Variants in NRG3 observed in about 807,000 individuals in gnomAD.
The protein encoded by NRG3 is neuregulin 3, also known as pro-neuregulin-3, membrane-bound isoform.
In NRG3, 31 loss-of-function variants were observed where a neutral mutation model predicts 66.9. That is an observed-to-expected ratio of 0.46 (90% CI 0.35 to 0.63). The LOEUF is 0.63. Ranked by LOEUF, NRG3 falls within the 20% of genes least tolerant of loss-of-function variation. The pLI is 0.00. For missense variants in NRG3, 910 were observed against 878.9 expected (o/e 1.04, Z -0.45); for synonymous variants, 393 against 359.4 (o/e 1.09, Z -1.06).
chr10:82,849,881 T>C (rs143229565), intron 3 of NRG3, among the ~76,000 whole-genome samples: 2 of 152,208 alleles, frequency 1.3e-5, no homozygotes, highest in African/African-American at 2.4e-5. Context: ...AGAGATGCCA[T>C]GGGAGGGATG....
At position 81,875,380 on chromosome 10, in the gene NRG3, G is replaced by C; in HGVS notation, c.40G>C (p.Ala14Pro). Reference sequence around the variant, plus strand: ...GGCCGCTGCCTCGCCACCTGGTGCCGCTTCGGCAGCCGCCGCCTCGGCCGA... The same window carrying C: ...GGCCGCTGCCTCGCCACCTGGTGCCCCTTCGGCAGCCGCCGCCTCGGCCGA... ...GAAAASPPGA[A>P]SAAAASAEEG... The change falls in exon 1 of 9, where the codon GCT becomes CCT. Residue 14 changes from alanine (A) to proline (P), a missense_variant. Transcript: ENST00000372141. The surrounding 1 kb of genome is among the most constrained non-coding windows in gnomAD (Gnocchi z 5.3). 2.0e-6 allele frequency: 2 copies of C among 994,122 alleles called. No homozygotes were observed. Among genetic ancestry groups the C allele is most frequent in the Non-Finnish European group, 2.4e-6 (2 of 837,460 alleles). The allele number at this position is 994,122 out of a possible 1,614,324, so 61.6% of individuals were successfully genotyped here.
intron 2 of NRG3, among the ~76,000 whole-genome samples, chr10:82,589,355 T>G (rs1177610208): frequency 6.6e-6 from 1 of 152,052 alleles, no homozygotes; most frequent in East Asian, 1.9e-4. Context: ...TAATTGAAGG[T>G]GTATCACTCA....
chr10:81,985,097 T>C (rs1005999402), intron 1 of NRG3, among the ~76,000 whole-genome samples: 2 of 152,230 alleles, frequency 1.3e-5, no homozygotes, highest in Non-Finnish European at 2.9e-5. Flanking sequence ...ACATCCATTG[T>C]GTGCTTTCCA....
chr10:81,875,943 C>A lies in NRG3; in HGVS notation c.603C>A (p.Phe201Leu). The A allele has an allele frequency of 3.7e-6, 6 of 1,613,864 alleles. No individual in the cohort carries two copies. Among genetic ancestry groups the A allele is most frequent in the Non-Finnish European group, 5.1e-6 (6 of 1,180,024 alleles). The change falls in exon 1 of 9, where the codon TTC (phenylalanine) becomes TTA (leucine). Residue 201 changes from phenylalanine to leucine, a missense_variant. Physicochemically the swap from Phe to Leu is conservative, Grantham distance 22. Coordinates refer to ENST00000372141, the MANE Select transcript of NRG3 (RefSeq NM_001010848.4). This position sits in a 1 kb window ranked among gnomAD's most constrained non-coding sequence, Gnocchi z 5.3. ...ATVPSTTAPF[F>L]SSSTLGSRPP... The stretch of plus-strand genomic sequence containing the variant: ...TCCCGTCCACCACGGCCCCGTTCTT[C>A]AGTAGCAGCACGCTGGGCTCCCGAC...
At position 81,897,258 on chromosome 10, in the gene NRG3, G is replaced by C. The variant is rs556616831; in HGVS notation, c.823+21095G>C. 2.6e-5 allele frequency among the ~76,000 whole-genome samples: 4 copies of C among 152,164 alleles called. No homozygotes were observed. In the East Asian group the frequency reaches 7.8e-4, roughly 30 times the overall value. ...TCAGGCACATAAGGAACTTGGACTTGATTTTGTTGTAATGGAAAACCACAG... is the reference window on the plus strand; with the variant it reads ...TCAGGCACATAAGGAACTTGGACTTCATTTTGTTGTAATGGAAAACCACAG... On this transcript the variant is annotated intron_variant, in intron 1 of 8. Coordinates refer to ENST00000372141, the MANE Select transcript of NRG3 (RefSeq NM_001010848.4).
chr10:82,424,370 G>A (rs1193555363), intron 2 of NRG3, among the ~76,000 whole-genome samples: 1 of 152,006 alleles, frequency 6.6e-6, no homozygotes, highest in East Asian at 1.9e-4. Flanking sequence ...GCACCTCATT[G>A]AGGTTTTGAT....
intron 2 of NRG3, among the ~76,000 whole-genome samples, chr10:82,684,426 T>C (rs773409225): frequency 6.6e-6 from 1 of 152,202 alleles, no homozygotes; most frequent in Non-Finnish European, 1.5e-5. Flanking sequence ...GTTGATGCTT[T>C]GGGGGATATA....
chr10:82,317,203 A>AT (rs557938157), intron 1 of NRG3, among the ~76,000 whole-genome samples: 14,142 of 142,522 alleles, frequency 0.099, 1,266 homozygotes, highest in African/African-American at 0.25. Flanking sequence ...GGTAGAATAG[A>AT]TTTTTTTTTT....
At chr10:82,632,047 G>C (rs1195480026) in intron 2 of NRG3, among the ~76,000 whole-genome samples, 3 of 151,904 alleles carry the variant, frequency 2.0e-5, no homozygotes, top group African/African-American at 4.8e-5. Context: ...GGTTGCACTG[G>C]GCCGAGATCA....
At chr10:82,438,586 T>C (rs1428318047) in intron 2 of NRG3, among the ~76,000 whole-genome samples, 5 of 152,104 alleles carry the variant, frequency 3.3e-5, no homozygotes, top group Admixed American at 2.6e-4. Context: ...AGGAAGTCAT[T>C]AGGATTAAGC....
At chr10:82,562,715 C>T (rs1253977533) in intron 2 of NRG3, among the ~76,000 whole-genome samples, 1 of 151,818 alleles carries the variant, frequency 6.6e-6, no homozygotes, top group Non-Finnish European at 1.5e-5. Flanking sequence ...GGGTGGCTCT[C>T]CTGAGCAGCA....
At chr10:82,033,332 G>A (rs1195920068) in intron 1 of NRG3, among the ~76,000 whole-genome samples, 1 of 152,054 alleles carries the variant, frequency 6.6e-6, no homozygotes, top group African/African-American at 2.4e-5. Context: ...TTCCCCTACA[G>A]TACATTGTTC....
chr10:82,510,053 T>A (rs1845032893), intron 2 of NRG3, among the ~76,000 whole-genome samples: 1 of 152,180 alleles, frequency 6.6e-6, no homozygotes, highest in South Asian at 2.1e-4. Context: ...ATCTAGTGGA[T>A]TCTAACTCAT....
chr10:82,463,892 G>A (rs1013598558), intron 2 of NRG3, among the ~76,000 whole-genome samples: 1 of 152,240 alleles, frequency 6.6e-6, no homozygotes, highest in African/African-American at 2.4e-5. Flanking sequence ...AGGTGACACT[G>A]AGAGTGGCAG....
intron 1 of NRG3, among the ~76,000 whole-genome samples, chr10:82,063,201 G>A (rs373254722): frequency 5.9e-5 from 9 of 152,046 alleles, no homozygotes; most frequent in East Asian, 5.8e-4. Context: ...AGTATTCATG[G>A]CTGTTTTCTC....
intron 1 of NRG3, among the ~76,000 whole-genome samples, chr10:82,311,616 G>A (rs1427717580): frequency 6.6e-6 from 1 of 152,206 alleles, no homozygotes; most frequent in Non-Finnish European, 1.5e-5. Context: ...GGTAGGATCA[G>A]GAAAGCAGAT....
At chr10:82,652,083 G>A (rs2051460183) in intron 2 of NRG3, among the ~76,000 whole-genome samples, 1 of 152,194 alleles carries the variant, frequency 6.6e-6, no homozygotes, top group African/African-American at 2.4e-5. Flanking sequence ...ACTTGGACCT[G>A]CTGTGATCTG....
chr10:82,291,419 G>A (rs1335510905), intron 1 of NRG3, among the ~76,000 whole-genome samples: 1 of 152,162 alleles, frequency 6.6e-6, no homozygotes, highest in African/African-American at 2.4e-5. Context: ...TAATTCTCCT[G>A]AAATTGATAG....
intron 1 of NRG3, among the ~76,000 whole-genome samples, chr10:82,105,264 T>G (rs1233181649): frequency 6.6e-6 from 1 of 152,128 alleles, no homozygotes; most frequent in South Asian, 2.1e-4. Context: ...TAATCAAAGG[T>G]GCACTGAGTT....
Sources: gnomAD v4.1 joint callset for allele counts (sites outside exome capture counted in the v4.1 genomes callset) on GRCh38, gnomAD v4.1.1 for gene constraint, Gnocchi (gnomAD v3.1) non-coding constraint, MANE v1.5 for transcripts, NCBI Gene and HGNC (gene_info 2026-07-23, HGNC 2026-07-21) for gene names.